ESRRB: variants seen among roughly 807,000 people sequenced by gnomAD.
The protein encoded by ESRRB is steroid hormone receptor ERR2.
A neutral mutation model predicts 46.0 loss-of-function variants in ESRRB; 16 were observed. That is an observed-to-expected ratio of 0.35 (90% CI 0.24 to 0.53). The LOEUF (loss-of-function observed/expected upper bound fraction) is 0.53. Among genes scored for constraint, ESRRB ranks in the 20% least tolerant of loss-of-function variants. The probability of loss-of-function intolerance (pLI) is 0.93; values close to 1 mark genes in which losing one functional copy is unlikely to be tolerated. For synonymous variants in ESRRB, 246 were observed against 259.6 expected (o/e 0.95, Z 0.50); for missense variants, 488 against 607.4 (o/e 0.80, Z 2.07).
Position 76,499,076 on chromosome 14 carries a change from C to T in ESRRB, c.*618C>T, listed in dbSNP as rs1808655846. ...TAGAGCTCAAGTGCTTCCTGGGCAC[C>T]CCACCCCTCGGGGCCTACCCCCCTG... On this transcript the variant is annotated 3_prime_UTR_variant, in exon 7 of 7. Coordinates refer to ENST00000644823, the MANE Select transcript of ESRRB (RefSeq NM_001379180.1). 8.9e-6 allele frequency: 3 copies of T among 335,636 alleles called. No individual in the cohort carries two copies. The highest frequency in any genetic ancestry group is 4.3e-5 in the African/African-American group (2 of 46,124). 20.8% of individuals were successfully genotyped at this position (335,636 alleles called of 1,614,324 possible).
intron 2 of ESRRB, among the ~76,000 whole-genome samples, chr14:76,462,284 G>A (rs180838285): frequency 6.6e-6 from 1 of 152,360 alleles, no homozygotes; most frequent in Admixed American, 6.5e-5. Context: ...CTGCCCAGAA[G>A]TGGCTTCAAC....
At chr14:76,339,056 C>T (rs530300066) in intron 1 of ESRRB, among the ~76,000 whole-genome samples, 1 of 152,266 alleles carries the variant, frequency 6.6e-6, no homozygotes, top group South Asian at 2.1e-4. Context: ...TTTTGTGCCC[C>T]ATCTTCCAGT....
At chr14:76,411,062 G>T (rs755418457) in intron 1 of ESRRB, among the ~76,000 whole-genome samples, 16 of 152,044 alleles carry the variant, frequency 1.1e-4, no homozygotes, top group Non-Finnish European at 2.1e-4. Context: ...GGGATTACAG[G>T]CAAGAGCCAC....
chr14:76,468,626 C>CTCA (rs1156332206), intron 3 of ESRRB, among the ~76,000 whole-genome samples: 1 of 150,140 alleles, frequency 6.7e-6, no homozygotes, highest in Non-Finnish European at 1.5e-5. Flanking sequence ...CTGGTTAAAC[C>CTCA]TCATCTTCAC....
chr14:76,485,403 A>C (rs1450104170), intron 5 of ESRRB, among the ~76,000 whole-genome samples: 1 of 151,144 alleles, frequency 6.6e-6, no homozygotes, highest in Non-Finnish European at 1.5e-5. Flanking sequence ...ACCCCTGGCT[A>C]ATTTTTTTTT....
intron 1 of ESRRB, among the ~76,000 whole-genome samples, chr14:76,344,985 G>A (rs1305926327): frequency 6.6e-6 from 1 of 152,132 alleles, no homozygotes; most frequent in African/African-American, 2.4e-5. Context: ...TGATTGATGG[G>A]CATTTGGGTT....
intron 2 of ESRRB, among the ~76,000 whole-genome samples, chr14:76,462,272 C>T (rs962386134): frequency 1.1e-4 from 17 of 152,294 alleles, no homozygotes; most frequent in Middle Eastern, 3.4e-3. Flanking sequence ...GTTTTGATGT[C>T]CCTGCCCAGA....
intron 1 of ESRRB, among the ~76,000 whole-genome samples, chr14:76,343,382 C>T (rs1884213675): frequency 1.3e-5 from 2 of 152,232 alleles, no homozygotes; most frequent in African/African-American, 2.4e-5. Context: ...TGTTTGGATT[C>T]GAATCCAACA....
At chr14:76,323,575 G>A (rs1004998369) in intron 1 of ESRRB, among the ~76,000 whole-genome samples, 4 of 152,244 alleles carry the variant, frequency 2.6e-5, no homozygotes, top group Non-Finnish European at 5.9e-5. Context: ...CTCCCAAAGT[G>A]TTCAGATTAC....
At chr14:76,359,457 T>C (rs1356464644) in intron 1 of ESRRB, among the ~76,000 whole-genome samples, 2 of 152,236 alleles carry the variant, frequency 1.3e-5, no homozygotes, top group African/African-American at 2.4e-5. Flanking sequence ...AGAACTTTTA[T>C]CTGCCTTGTC....
At chr14:76,444,830 G>C (rs1226867175) in intron 2 of ESRRB, among the ~76,000 whole-genome samples, 3 of 152,018 alleles carry the variant, frequency 2.0e-5, no homozygotes, top group Non-Finnish European at 4.4e-5. Flanking sequence ...TTAAGTCATG[G>C]AATGAGCCAT....
chr14:76,496,734 T>C (rs1890445626), intron 6 of ESRRB, among the ~76,000 whole-genome samples: 1 of 152,148 alleles, frequency 6.6e-6, no homozygotes, highest in Non-Finnish European at 1.5e-5. Context: ...TGAGGCTCAG[T>C]GCACGGGATG....
At chr14:76,497,197 C>A (rs957559197) in intron 6 of ESRRB, among the ~76,000 whole-genome samples, 9 of 151,980 alleles carry the variant, frequency 5.9e-5, no homozygotes, top group African/African-American at 2.2e-4. Context: ...CACCTGATGA[C>A]GAAGGAGTGC....
chr14:76,436,312 C>T (rs1476169195), intron 1 of ESRRB, among the ~76,000 whole-genome samples: 1 of 152,202 alleles, frequency 6.6e-6, no homozygotes, highest in Non-Finnish European at 1.5e-5. Context: ...GGGCAAATGC[C>T]TCTTATCCAT....
intron 1 of ESRRB, among the ~76,000 whole-genome samples, chr14:76,417,846 C>T (rs1244478614): frequency 6.6e-6 from 1 of 151,978 alleles, no homozygotes; most frequent in Non-Finnish European, 1.5e-5. Context: ...GGAGGAGCCA[C>T]TGGAGAAGCA....
chr14:76,462,184 TG>T (rs1888894276), intron 2 of ESRRB, among the ~76,000 whole-genome samples: 1 of 151,654 alleles, frequency 6.6e-6, no homozygotes, highest in South Asian at 2.1e-4. Context: ...GTGGTGGTGG[TG>T]GTAGTGGTGG....
In ESRRB at chr14:76,444,778, T is replaced by G. The variant is rs150470444; in HGVS notation, c.460+5028T>G. ...GACATAGTCTCCTAAGCACCTAATA[T>G]TCAGGTCATTTTTTTTAAGTTCTAT... is the stretch of plus-strand genomic sequence containing the variant. On this transcript the variant is annotated intron_variant, in intron 2 of 6. Coordinates refer to ENST00000644823, the MANE Select transcript of ESRRB (RefSeq NM_001379180.1). Among the ~76,000 whole-genome samples the G allele has an allele frequency of 6.6e-5, 10 of 152,266 alleles. No individual in the cohort carries two copies. In the East Asian group the frequency reaches 1.7e-3, roughly 26 times the overall value.
At chr14:76,311,774 C>T (rs907178728) in intron 1 of ESRRB, among the ~76,000 whole-genome samples, 2 of 152,090 alleles carry the variant, frequency 1.3e-5, no homozygotes, top group Non-Finnish European at 2.9e-5. Flanking sequence ...AATAGTGTGC[C>T]GGCTCTGAGT....
intron 1 of ESRRB, among the ~76,000 whole-genome samples, chr14:76,385,468 G>A (rs970267659): frequency 3.3e-5 from 5 of 152,226 alleles, no homozygotes; most frequent in Admixed American, 6.5e-5. Flanking sequence ...AGGATTAGGA[G>A]AAAGGGTGTT....
Sources: gnomAD v4.1 joint callset for allele counts (sites outside exome capture counted in the v4.1 genomes callset) on GRCh38, gnomAD v4.1.1 for gene constraint, MANE v1.5 for transcripts, NCBI Gene and HGNC (gene_info 2026-07-23, HGNC 2026-07-21) for gene names.